Variants in PAK3 observed in about 807,000 individuals in gnomAD.
PAK3 encodes the protein p21 (RAC1) activated kinase 3.
PAK3 carries 4 observed loss-of-function variants against 41.0 expected under a neutral mutation model. The ratio of observed to expected loss-of-function variants is 0.10; its 90% confidence interval spans 0.05 to 0.22. The LOEUF is 0.22. PAK3 is among the 10% of genes least tolerant of loss of function. PAK3 has a pLI of 1.00. For synonymous variants in PAK3, 146 were observed against 139.6 expected, an observed-to-expected ratio of 1.05 and a Z score of -0.32; for missense variants, 205 against 409.9, an observed-to-expected ratio of 0.50 and a Z score of 4.32.
chrX:111,208,405 C>T, intron 16 of PAK3, among the ~76,000 whole-genome samples: 1 of 112,329 alleles, frequency 8.9e-6, no homozygotes, highest in African/African-American at 3.2e-5. Flanking sequence ...CACATTCACT[C>T]ACTAGTCACT....
chrX:111,186,100 C>T (rs1451613425), intron 11 of PAK3, among the ~76,000 whole-genome samples: 1 of 111,291 alleles, frequency 9.0e-6, no homozygotes, highest in East Asian at 2.8e-4. Flanking sequence ...ACCCCTTCAT[C>T]CTAAAAACTC....
chrX:110,994,798 T>C (rs2091712246), intron 1 of PAK3, among the ~76,000 whole-genome samples: 1 of 111,656 alleles, frequency 9.0e-6, no homozygotes, highest in Non-Finnish European at 1.9e-5. Context: ...CTGGGCCTAG[T>C]TATCCTCATC....
At chrX:110,986,440 C>A (rs2091546043) in intron 1 of PAK3, among the ~76,000 whole-genome samples, 1 of 111,751 alleles carries the variant, frequency 8.9e-6, no homozygotes, top group Non-Finnish European at 1.9e-5. Flanking sequence ...GAAAACACAG[C>A]ATAATCCTCA....
At chrX:111,204,134 G>A (rs1024094282) in intron 16 of PAK3, among the ~76,000 whole-genome samples, 2 of 111,417 alleles carry the variant, frequency 1.8e-5, no homozygotes, top group Non-Finnish European at 3.8e-5. Flanking sequence ...ATCATTGGTT[G>A]TTAGGAATTC....
At chrX:110,950,538 C>T in intron 1 of PAK3, among the ~76,000 whole-genome samples, 1 of 111,715 alleles carries the variant, frequency 9.0e-6, no homozygotes, top group Non-Finnish European at 1.9e-5. Context: ...TTAAGCCCCG[C>T]ATGCATTAGG....
chrX:111,178,980 T>TATATATATATAGAGAGAGAGAG (rs1211051270), intron 11 of PAK3, among the ~76,000 whole-genome samples: 1 of 91,613 alleles, frequency 1.1e-5, no homozygotes, highest in Non-Finnish European at 2.1e-5. Flanking sequence ...TATATATATA[T>TATATATATATAGAGAGAGAGAG]AGAGAGAGAG....
chrX:111,028,830 T>C (rs1248710508), intron 1 of PAK3, among the ~76,000 whole-genome samples: 3 of 111,948 alleles, frequency 2.7e-5, no homozygotes, highest in African/African-American at 9.7e-5. Flanking sequence ...GTTCACTGTG[T>C]TGCCTCTAAA....
intron 7 of PAK3, 92 bp from the exon 8 acceptor site, chrX:111,152,318 A>G: frequency 1.7e-6 from 1 of 605,520 alleles, no homozygotes; most frequent in Non-Finnish European, 2.8e-6. Flanking sequence ...AGTTGAAATC[A>G]TGCAGTTTTT....
intron 1 of PAK3, among the ~76,000 whole-genome samples, chrX:111,050,955 G>A (rs984764185): frequency 8.9e-6 from 1 of 111,820 alleles, no homozygotes; most frequent in Non-Finnish European, 1.9e-5. Flanking sequence ...GAGAGGAGGA[G>A]GCTGTGAAAT....
At chrX:110,991,364 G>A (rs762401727) in intron 1 of PAK3, among the ~76,000 whole-genome samples, 1 of 111,490 alleles carries the variant, frequency 9.0e-6, no homozygotes, top group Non-Finnish European at 1.9e-5. Flanking sequence ...ATCATCACCA[G>A]TTTTCATCTT....
chrX:110,949,637 A>G (rs1343196782), intron 1 of PAK3, among the ~76,000 whole-genome samples: 2 of 111,561 alleles, frequency 1.8e-5, no homozygotes, highest in South Asian at 3.8e-4. Flanking sequence ...GGAATTGTCA[A>G]TCTTAACTCG....
intron 1 of PAK3, among the ~76,000 whole-genome samples, chrX:111,087,608 T>C (rs190605668): frequency 3.2e-4 from 35 of 109,871 alleles, no homozygotes; most frequent in Admixed American, 3.0e-3. Context: ...GAGTTCTGTT[T>C]GGGAGGGGAA....
intron 5 of PAK3, among the ~76,000 whole-genome samples, chrX:111,128,033 T>A (rs933037991): frequency 8.9e-6 from 1 of 112,381 alleles, no homozygotes; most frequent in Non-Finnish European, 1.9e-5. Context: ...GCATAGTGCC[T>A]CCAAGAATAA....
At chrX:111,048,222 C>T (rs984285759) in intron 1 of PAK3, among the ~76,000 whole-genome samples, 1 of 111,204 alleles carries the variant, frequency 9.0e-6, no homozygotes, top group Admixed American at 9.6e-5. Context: ...CTAGCCATTC[C>T]TTCTCAGTCT....
chrX:111,168,519 C>G (rs958145076), intron 10 of PAK3, among the ~76,000 whole-genome samples: 2 of 111,775 alleles, frequency 1.8e-5, no homozygotes, highest in Non-Finnish European at 3.8e-5. Context: ...GATGGCAGCA[C>G]ACACTCTCCT....
intron 11 of PAK3, among the ~76,000 whole-genome samples, chrX:111,188,556 A>G (rs2094533535): frequency 1.8e-5 from 2 of 112,235 alleles, no homozygotes; most frequent in Admixed American, 9.4e-5. Flanking sequence ...CCAATAGTTT[A>G]CCTCAGCCTC....
At chrX:111,027,306 G>A (rs2092284917) in intron 1 of PAK3, among the ~76,000 whole-genome samples, 1 of 110,719 alleles carries the variant, frequency 9.0e-6, no homozygotes, top group African/African-American at 3.3e-5. Context: ...CAAAAACAAA[G>A]ATAAATAGAT....
Position 111,035,881 on chromosome X carries a change from A to C in PAK3, c.-27-87196A>C, listed in dbSNP as rs185382580. ...AAGTCTTACTCCAAAGTCTAAGATCATCTTGAGAGATGGATAACACTAGCC... is the reference window on the plus strand; with the variant it reads ...AAGTCTTACTCCAAAGTCTAAGATCCTCTTGAGAGATGGATAACACTAGCC... On this transcript the variant is annotated intron_variant, in intron 1 of 14. Coordinates refer to the PAK3 transcript ENST00000425146. Among the ~76,000 whole-genome samples the C allele has an allele frequency of 2.7e-5, 3 of 112,452 alleles. No homozygotes were observed. In the East Asian group the frequency reaches 8.4e-4, roughly 31 times the overall value.
At chrX:111,161,779 T>C (rs1187255778) in intron 8 of PAK3, among the ~76,000 whole-genome samples, 1 of 111,357 alleles carries the variant, frequency 9.0e-6, no homozygotes, top group Non-Finnish European at 1.9e-5. Flanking sequence ...TGGTTGTAGA[T>C]ATGTGGCATT....
Sources: gnomAD v4.1 joint callset for allele counts (sites outside exome capture counted in the v4.1 genomes callset) on GRCh38, gnomAD v4.1.1 for gene constraint, MANE v1.5 for transcripts, NCBI Gene and HGNC (gene_info 2026-07-23, HGNC 2026-07-21) for gene names.